Variants in APBB2 observed in about 807,000 individuals in gnomAD.
APBB2 encodes Fe65-like 1.
APBB2 carries 38 observed loss-of-function variants against 82.5 expected under a neutral mutation model. The observed-to-expected ratio is 0.46, with a 90% CI of 0.36 to 0.60. The LOEUF (loss-of-function observed/expected upper bound fraction) is 0.60, where lower values mean the gene tolerates loss of function less well. APBB2 is among the 20% of genes least tolerant of loss of function. The probability of loss-of-function intolerance (pLI) is 0.00; values close to 1 mark genes in which losing one functional copy is unlikely to be tolerated. For synonymous variants in APBB2, 341 were observed against 368.2 expected (o/e 0.93, Z 0.85); for missense variants, 772 against 972.3 (o/e 0.79, Z 2.74).
In APBB2 at chr4:41,086,910, C is replaced by T. The variant is rs977537276; in HGVS notation, c.-149+13729G>A. On this transcript the variant is annotated intron_variant, in intron 3 of 17. Coordinates refer to ENST00000508593, the MANE Select transcript of APBB2 (RefSeq NM_004307.2). ...TGACATAATCTCATGGGTAGAAAAC[C>T]TTAAAAATTCCACACACACACACAC... Among the ~76,000 whole-genome samples, 3 of 96,040 alleles carry T rather than the reference C, an allele frequency of 3.1e-5. No individual in the cohort carries two copies. In the South Asian group the frequency reaches 1.3e-3, roughly 41 times the overall value. 63.0% of individuals were successfully genotyped at this position (96,040 alleles called of 152,430 possible). A position where few individuals can be genotyped will look rare whatever the true frequency, so the allele number is the denominator to read the frequency against.
chr4:40,919,047 G>T (rs1451254074), intron 10 of APBB2, among the ~76,000 whole-genome samples: 1 of 152,120 alleles, frequency 6.6e-6, no homozygotes, highest in Non-Finnish European at 1.5e-5. Context: ...AACAGACTGG[G>T]CTTTCACCAG....
At position 41,199,569 on chromosome 4, in the gene APBB2, C is replaced by G. The variant is rs541102959; in HGVS notation, c.-417+14836G>C. 4.6e-5 allele frequency among the ~76,000 whole-genome samples: 7 copies of G among 152,272 alleles called. No individual in the cohort carries two copies. The East Asian group carries it at 1.3e-3, about 29-fold the overall frequency. ...AATTAAATAATTTGATAAGAGCAAC[C>G]TATAATCATTGATATTTTATTTGTT... On this transcript the variant is annotated intron_variant, in intron 1 of 17. Coordinates refer to ENST00000508593, the MANE Select transcript of APBB2 (RefSeq NM_004307.2).
intron 12 of APBB2, among the ~76,000 whole-genome samples, chr4:40,871,660 T>C (rs1361990673): frequency 6.6e-6 from 1 of 152,176 alleles, no homozygotes; most frequent in Non-Finnish European, 1.5e-5. Flanking sequence ...AAAAGGGACA[T>C]AATGCTACAC....
rs1798829618 is a variant in APBB2 at position 40,982,269 on chromosome 4, AGAAAGAAAGAAAGAAGGAAG to A, written c.835+31294_835+31313del. Among the ~76,000 whole-genome samples the A allele has an allele frequency of 1.5e-4, 5 of 33,426 alleles. 1 individual carries two copies. Among genetic ancestry groups the A allele is most frequent in the African/African-American group, 5.2e-4 (4 of 7,708 alleles). The allele number at this position is 33,426 out of a possible 152,430, so 21.9% of individuals were successfully genotyped here. On this transcript the variant is annotated intron_variant, in intron 6 of 17. Transcript: ENST00000508593. ...AAGAAAGAAAGAAAGAAAGAAAGAA[AGAAAGAAAGAAAGAAGGAAG>A]GAAGGAAGGAAGGAAGGAAAGAAAG...
chr4:41,033,692 GAAAA>G lies in APBB2; in HGVS notation c.-50-392_-50-389del, dbSNP rs146997747. ...CGTAAAAATTAAAACCATCTGTTTA[GAAAA>G]AAAGTGACTATAAACACGATAAAAG... On this transcript the variant is annotated intron_variant, in intron 4 of 17. Transcript: ENST00000508593. Among the ~76,000 whole-genome samples the G allele has an allele frequency of 3.9e-4, 58 of 147,380 alleles. 1 individual carries two copies. The East Asian group carries it at 9.5e-3, about 24-fold the overall frequency.
At chr4:41,062,326 A>G (rs1730161437) in intron 4 of APBB2, among the ~76,000 whole-genome samples, 1 of 146,064 alleles carries the variant, frequency 6.8e-6, no homozygotes, top group South Asian at 2.3e-4. Context: ...GCGCCCTCAA[A>G]CACACCCAGC....
chr4:40,983,083 A>G (rs116440190), intron 6 of APBB2, among the ~76,000 whole-genome samples: 2,158 of 152,328 alleles, frequency 0.014, 28 homozygotes, highest in African/African-American at 0.033. Context: ...CTTACCATGA[A>G]TTAACTAGAT....
At chr4:40,830,149 A>C (rs1751365901) in intron 13 of APBB2, among the ~76,000 whole-genome samples, 1 of 151,142 alleles carries the variant, frequency 6.6e-6, no homozygotes. Context: ...ATGGAGTGCT[A>C]CTTAGAGCGA....
rs1038415864 is a variant in APBB2 at position 41,168,357 on chromosome 4, AT to A, written c.-416-25216del. ...AATAATTTTGTCTGTTGAAGCCAAC[AT>A]TTTTTTAATTATTTATTTATTTTTT... On this transcript the variant is annotated intron_variant, in intron 1 of 17. Coordinates refer to ENST00000508593, the MANE Select transcript of APBB2 (RefSeq NM_004307.2). 5.9e-5 allele frequency among the ~76,000 whole-genome samples: 9 copies of A among 151,762 alleles called. No homozygotes were observed. The East Asian group carries it at 1.4e-3, about 23-fold the overall frequency.
chr4:41,163,520 GA>G (rs1765711626), intron 1 of APBB2, among the ~76,000 whole-genome samples: 1 of 152,160 alleles, frequency 6.6e-6, no homozygotes, highest in Non-Finnish European at 1.5e-5. Flanking sequence ...TTCAGAGAAA[GA>G]AGATTACTTT....
chr4:40,950,194 T>C (rs1018642505), intron 6 of APBB2, among the ~76,000 whole-genome samples: 1 of 152,228 alleles, frequency 6.6e-6, no homozygotes, highest in Non-Finnish European at 1.5e-5. Flanking sequence ...TACCAATTGT[T>C]GGCAGGCATG....
intron 1 of APBB2, among the ~76,000 whole-genome samples, chr4:41,174,103 C>G (rs1053187996): frequency 2.0e-5 from 3 of 152,214 alleles, no homozygotes; most frequent in Middle Eastern, 6.8e-3. Flanking sequence ...AACACCGAAG[C>G]TGATCACTTT....
rs374241849 is a variant in APBB2 at position 40,944,856 on chromosome 4, C to T, written c.1044+9G>A. The T allele has an allele frequency of 5.2e-5, 84 of 1,611,982 alleles. No individual in the cohort carries two copies. The highest frequency in any genetic ancestry group is 3.0e-4 in the South Asian group (27 of 90,988). ...TCTACTAAGCTGGTAAAAAGACACT[C>T]CGTTTTACCTCGTTCTCTGGGGTGG... On this transcript the variant is annotated intron_variant, in intron 7 of 17. Coordinates refer to ENST00000508593, the MANE Select transcript of APBB2 (RefSeq NM_004307.2).
intron 12 of APBB2, among the ~76,000 whole-genome samples, chr4:40,867,864 C>T (rs1416229284): frequency 7.2e-6 from 1 of 138,814 alleles, no homozygotes; most frequent in Non-Finnish European, 1.6e-5. Flanking sequence ...ATTTCTGGGG[C>T]TTTTTTTTTT....
intron 6 of APBB2, among the ~76,000 whole-genome samples, chr4:41,004,144 C>T (rs1806003338): frequency 6.6e-6 from 1 of 152,004 alleles, no homozygotes; most frequent in African/African-American, 2.4e-5. Context: ...GTCTCGAACT[C>T]CTGACCTCAA....
At chr4:40,884,837 A>G (rs946352184) in intron 12 of APBB2, among the ~76,000 whole-genome samples, 16 of 152,172 alleles carry the variant, frequency 1.1e-4, no homozygotes, top group African/African-American at 3.9e-4. Flanking sequence ...ACCTTAGAAG[A>G]GAATATGAAA....
At position 40,811,562 on chromosome 4, in the gene APBB2, A is replaced by G. The variant is rs78199801; in HGVS notation, c.*4530T>C. 6.6e-6 allele frequency: 1 copy of G among 151,568 alleles called. No homozygotes were observed. The highest frequency in any genetic ancestry group is 2.4e-5 in the African/African-American group (1 of 41,240). 9.4% of individuals were successfully genotyped at this position (151,568 alleles called of 1,614,324 possible). ...TGTCTGAAGAAAAAAAAAAAAAGCA[A>G]TATGAGGGAATTCTAATGAAGGAGA... On this transcript the variant is annotated 3_prime_UTR_variant, in exon 18 of 18. Coordinates refer to ENST00000508593, the MANE Select transcript of APBB2 (RefSeq NM_004307.2).
intron 6 of APBB2, among the ~76,000 whole-genome samples, chr4:40,997,371 A>C (rs1342595684): frequency 6.6e-6 from 1 of 152,206 alleles, no homozygotes; most frequent in Non-Finnish European, 1.5e-5. Context: ...AACATATTCT[A>C]GCCACCAATA....
rs1403470239 is a variant in APBB2 at position 40,911,517 on chromosome 4, T to A, written c.1255-18106A>T. On this transcript the variant is annotated intron_variant, in intron 10 of 17. Coordinates refer to ENST00000508593, the MANE Select transcript of APBB2 (RefSeq NM_004307.2). ...AAAATATCGATTCAGTCGGGGGACC[T>A]AGAGTCAGGTAACATGTCCAACTCC... Among the ~76,000 whole-genome samples the A allele has an allele frequency of 3.3e-5, 5 of 152,206 alleles. No individual in the cohort carries two copies. In the South Asian group the frequency reaches 1.0e-3, roughly 32 times the overall value.
Sources: allele counts gnomAD v4.1 joint callset (sites outside exome capture counted in the v4.1 genomes callset), GRCh38; gene constraint gnomAD v4.1.1; transcripts MANE v1.5; gene names NCBI Gene and HGNC (gene_info 2026-07-23, HGNC 2026-07-21).